STXBP5L: variants seen among roughly 807,000 people sequenced by gnomAD.
The protein encoded by STXBP5L is syntaxin-binding protein 5-like.
Under a neutral mutation model 144.5 loss-of-function variants are expected in STXBP5L, and 65 were observed. The observed-to-expected ratio is 0.45, with a 90% confidence interval of 0.37 to 0.55. The LOEUF is 0.55. Ranked by LOEUF, STXBP5L falls within the 20% of genes least tolerant of loss-of-function variation. The pLI is 0.00. For missense variants in STXBP5L, 1,298 were observed against 1,405.5 expected, an observed-to-expected ratio of 0.92 and a Z score of 1.22; for synonymous variants, 505 against 469.6, an observed-to-expected ratio of 1.08 and a Z score of -0.97.
At chr3:121,256,442 A>G (rs2050207698) in intron 16 of STXBP5L, among the ~76,000 whole-genome samples, 1 of 152,168 alleles carries the variant, frequency 6.6e-6, no homozygotes, top group East Asian at 1.9e-4. Flanking sequence ...ATGCATTCAT[A>G]AAGTATTTAG....
intron 2 of STXBP5L, among the ~76,000 whole-genome samples, chr3:120,924,030 A>G (rs530339274): frequency 1.3e-5 from 2 of 152,246 alleles, no homozygotes; most frequent in South Asian, 4.1e-4. Context: ...AAGATGTTTC[A>G]TTTCTCAAAG....
chr3:121,396,222 T>C (rs901919429), intron 22 of STXBP5L, among the ~76,000 whole-genome samples: 1 of 152,238 alleles, frequency 6.6e-6, no homozygotes, highest in African/African-American at 2.4e-5. Context: ...CAGTGTTCCA[T>C]ATTCTCTATT....
chr3:121,002,034 T>C (rs1943823819), intron 3 of STXBP5L, among the ~76,000 whole-genome samples: 7 of 152,252 alleles, frequency 4.6e-5, no homozygotes, highest in Admixed American at 4.6e-4. Context: ...TGCAGATATA[T>C]CTATGACATA....
rs749229290 is a variant in STXBP5L at position 121,279,879 on chromosome 3, C to T, written c.2033C>T (p.Thr678Ile). 3.1e-6 allele frequency: 5 copies of T among 1,612,502 alleles called. No homozygotes were observed. The highest frequency in any genetic ancestry group is 4.2e-6 in the Non-Finnish European group (5 of 1,178,952). The stretch of plus-strand genomic sequence containing the variant: ...AAGACAGTACTGTTAAGCATGGGGA[C>T]CATTGACCTATATAGATCAAGTGAC... ...IQKTVLLSMG[T>I]IDLYRSSDLY... Residue 678 changes from threonine to isoleucine, a missense_variant, in exon 19 of 27, where the codon ACC (threonine) becomes ATC (isoleucine). Thr to Ile is a moderately conservative substitution (Grantham distance 89). Transcript: ENST00000471454.
At position 121,420,244 on chromosome 3, in the gene STXBP5L, C is replaced by T. The variant is rs2047326426; in HGVS notation, c.*1147C>T. On this transcript the variant is annotated 3_prime_UTR_variant, in exon 27 of 27. Coordinates refer to ENST00000471454, the MANE Select transcript of STXBP5L (RefSeq NM_001308330.2). ...TACAAGGGCTTTCCTTAGAAAATAC[C>T]TTTCGGTTTGATACTTACCACTGGA... is the stretch of plus-strand genomic sequence containing the variant. 1 of 152,042 alleles carries T rather than the reference C, an allele frequency of 6.6e-6. No individual in the cohort carries two copies. The highest frequency in any genetic ancestry group is 2.1e-4 in the South Asian group (1 of 4,824). 9.4% of individuals were successfully genotyped at this position (152,042 alleles called of 1,614,324 possible). A position where few individuals can be genotyped will look rare whatever the true frequency, so the allele number is the denominator to read the frequency against.
At chr3:121,244,092 A>G (rs577134512) in intron 14 of STXBP5L, among the ~76,000 whole-genome samples, 85 of 152,208 alleles carry the variant, frequency 5.6e-4, no homozygotes, top group Middle Eastern at 3.4e-3. Context: ...AAATCTGTGT[A>G]TTACCTGACA....
intron 7 of STXBP5L, among the ~76,000 whole-genome samples, chr3:121,149,601 A>G (rs2045858032): frequency 6.6e-6 from 1 of 152,070 alleles, no homozygotes. Context: ...CTTAAAATGA[A>G]TACAAACAAA....
intron 20 of STXBP5L, among the ~76,000 whole-genome samples, chr3:121,358,952 T>G (rs2045617601): frequency 6.6e-6 from 1 of 152,128 alleles, no homozygotes; most frequent in Non-Finnish European, 1.5e-5. Context: ...ATATACAGAT[T>G]TTTTTTCTTT....
chr3:120,979,593 A>T (rs1035945368), intron 3 of STXBP5L, among the ~76,000 whole-genome samples: 1 of 152,162 alleles, frequency 6.6e-6, no homozygotes, highest in Non-Finnish European at 1.5e-5. Flanking sequence ...TAGTGAGATG[A>T]ACCCGGTACC....
At chr3:120,966,588 G>T (rs570694530) in intron 3 of STXBP5L, among the ~76,000 whole-genome samples, 3 of 152,260 alleles carry the variant, frequency 2.0e-5, no homozygotes, top group East Asian at 3.9e-4. Flanking sequence ...TCCAGGTCCT[G>T]TTTGCCTGGG....
At chr3:121,266,813 A>G (rs2050581001) in intron 18 of STXBP5L, among the ~76,000 whole-genome samples, 1 of 152,194 alleles carries the variant, frequency 6.6e-6, no homozygotes, top group Non-Finnish European at 1.5e-5. Flanking sequence ...AAAAATCACT[A>G]CAATTCCTAT....
Position 120,955,022 on chromosome 3 carries a change from C to A in STXBP5L, c.272C>A (p.Thr91Lys), listed in dbSNP as rs1937867794. The A allele has an allele frequency of 6.2e-7, 1 of 1,612,264 alleles. No individual in the cohort carries two copies. The part of the protein sequence containing the change: ...VQKILAIGTR[T>K]GAIRILGRPG... ...AAAATCTTGGCTATTGGGACGAGAA[C>A]AGGTGCTATACGAATGTATCCTTAA... is the stretch of plus-strand genomic sequence containing the variant. Residue 91 changes from threonine (T) to lysine (K), a missense_variant, in exon 3 of 27, where the codon ACA becomes AAA. Coordinates refer to ENST00000471454, the MANE Select transcript of STXBP5L (RefSeq NM_001308330.2).
intron 5 of STXBP5L, among the ~76,000 whole-genome samples, chr3:121,083,252 G>A (rs1311716921): frequency 6.6e-6 from 1 of 152,048 alleles, no homozygotes; most frequent in East Asian, 1.9e-4. Context: ...ATTCATCAGG[G>A]ATATTAGTCT....
rs559344535 is a variant in STXBP5L at position 121,196,459 on chromosome 3, T to TAA, written c.878-9460_878-9459dup. On this transcript the variant is annotated intron_variant, in intron 9 of 26. Transcript: ENST00000471454. ...CGGCAATATTAATTCTCCCAGTCCA[T>TAA]AAAAACGGAGGTCTTTCCTTTTATC... Among the ~76,000 whole-genome samples the TAA allele has an allele frequency of 3.1e-3, 469 of 152,214 alleles. 1 individual carries two copies. The highest frequency in any genetic ancestry group is 0.01 in the Middle Eastern group (3 of 294).
At chr3:121,141,927 A>G (rs1270840305) in intron 7 of STXBP5L, among the ~76,000 whole-genome samples, 1 of 152,116 alleles carries the variant, frequency 6.6e-6, no homozygotes, top group African/African-American at 2.4e-5. Flanking sequence ...ATGTTAATAA[A>G]TTGATCTCCC....
At chr3:121,265,887 A>T (rs899786513) in intron 18 of STXBP5L, among the ~76,000 whole-genome samples, 1 of 152,192 alleles carries the variant, frequency 6.6e-6, no homozygotes, top group African/African-American at 2.4e-5. Context: ...GAAGAAATGG[A>T]TAAATTCCTG....
intron 20 of STXBP5L, among the ~76,000 whole-genome samples, chr3:121,325,356 A>G (rs1161363847): frequency 6.6e-6 from 1 of 152,070 alleles, no homozygotes; most frequent in Non-Finnish European, 1.5e-5. Context: ...ACCCCAGCAT[A>G]TGCCTTTTTC....
chr3:121,043,942 G>A (rs536206865), intron 4 of STXBP5L, among the ~76,000 whole-genome samples: 1 of 152,168 alleles, frequency 6.6e-6, no homozygotes, highest in Non-Finnish European at 1.5e-5. Context: ...AATGAGACCA[G>A]TATACTGTAT....
At chr3:120,985,414 C>T (rs1169869394) in intron 3 of STXBP5L, among the ~76,000 whole-genome samples, 1 of 151,948 alleles carries the variant, frequency 6.6e-6, no homozygotes, top group Admixed American at 6.6e-5. Context: ...AAATATGTAT[C>T]TTTTTTGTAG....
Sources: allele counts gnomAD v4.1 joint callset (sites outside exome capture counted in the v4.1 genomes callset), GRCh38; gene constraint gnomAD v4.1.1; transcripts MANE v1.5; gene names NCBI Gene and HGNC (gene_info 2026-07-23, HGNC 2026-07-21).